The following NCOR2 variants were observed in gnomAD, a reference collection of about 807,000 sequenced individuals.
The protein encoded by NCOR2 is nuclear receptor corepressor 2.
NCOR2 carries 81 observed loss-of-function variants against 262.9 expected under a neutral mutation model. The ratio of observed to expected loss-of-function variants is 0.31; its 90% CI spans 0.26 to 0.37. NCOR2 has a LOEUF of 0.37. NCOR2 is among the 10% of genes least tolerant of loss of function. NCOR2 has a pLI of 1.00. For synonymous variants in NCOR2, 1,659 were observed against 1,559.3 expected (o/e 1.06, Z -1.51); for missense variants, 3,385 against 3,621.4 (o/e 0.93, Z 1.68).
intron 13 of NCOR2, among the ~76,000 whole-genome samples, chr12:124,404,275 G>A (rs1052684908): frequency 2.0e-5 from 3 of 152,192 alleles, no homozygotes; most frequent in Non-Finnish European, 4.4e-5. Context: ...CATGGATGCC[G>A]TCTCCCCGGG....
chr12:124,495,467 C>T (rs1358033054), upstream of NCOR2: 9 of 891,178 alleles, frequency 1.0e-5, no homozygotes, highest in African/African-American at 8.5e-5. The surrounding 1 kb of genome is among the most constrained non-coding windows in gnomAD (Gnocchi z 4.4). Flanking sequence ...CGTGAGGACA[C>T]GCGAGCACCC....
chr12:124,423,539 AGGCTTCCCT>A (rs2043344798), intron 11 of NCOR2, among the ~76,000 whole-genome samples: 1 of 152,174 alleles, frequency 6.6e-6, no homozygotes, highest in Non-Finnish European at 1.5e-5. Flanking sequence ...GAGGAATGGC[AGGCTTCCCT>A]GGCCTGGGAT....
At chr12:124,439,788 A>G (rs1222740357) in intron 7 of NCOR2, among the ~76,000 whole-genome samples, 1 of 151,918 alleles carries the variant, frequency 6.6e-6, no homozygotes, top group Non-Finnish European at 1.5e-5. Context: ...AAGGAAGGGG[A>G]CAGAGACTCA....
chr12:124,487,554 C>T (rs1289599793), intron 1 of NCOR2, among the ~76,000 whole-genome samples: 1 of 152,256 alleles, frequency 6.6e-6, no homozygotes, highest in Non-Finnish European at 1.5e-5. Context: ...CTAAGTCAGT[C>T]TAGAGGAACC....
At chr12:124,453,213 G>A (rs1033839100) in intron 6 of NCOR2, among the ~76,000 whole-genome samples, 7 of 152,152 alleles carry the variant, frequency 4.6e-5, no homozygotes, top group African/African-American at 1.2e-4. Flanking sequence ...CAGGCTAGCC[G>A]GGGTCCCCAC....
intron 22 of NCOR2, 73 bp downstream of exon 24, chr12:124,362,053 T>TA: frequency 8.2e-7 from 1 of 1,214,040 alleles, no homozygotes; most frequent in Non-Finnish European, 1.0e-6. Flanking sequence ...GCAGCTGCTC[T>TA]AGACACACAA....
At chr12:124,463,761 G>A (rs116153551) in intron 5 of NCOR2, among the ~76,000 whole-genome samples, 8,330 of 152,284 alleles carry the variant, frequency 0.055, 491 homozygotes, top group African/African-American at 0.15. Flanking sequence ...GGCGGCTGGG[G>A]GCCTCCCGCA....
chr12:124,506,419 C>T (rs2049040825), intron 1 of NCOR2, among the ~76,000 whole-genome samples: 1 of 152,182 alleles, frequency 6.6e-6, no homozygotes, highest in African/African-American at 2.4e-5. Context: ...TGGACGGCAG[C>T]CAGCTCGGCC....
rs1310497038 is a variant in NCOR2 at position 124,481,907 on chromosome 12, G to C, written c.411+1689C>G. ...AGACCCAGGAGGAGGCTACTGCAAA[G>C]TTACTGGAGAGCAATGACGAGCTCA... On this transcript the variant is annotated intron_variant, in intron 3 of 46. Transcript: ENST00000405201. The surrounding 1 kb of genome is among the most constrained non-coding windows in gnomAD (Gnocchi z 4.6). Among the ~76,000 whole-genome samples the C allele has an allele frequency of 6.6e-6, 1 of 152,136 alleles. No homozygotes were observed. Among genetic ancestry groups the C allele is most frequent in the Non-Finnish European group, 1.5e-5 (1 of 68,022 alleles).
At chr12:124,397,454 G>A (rs999668556) in intron 16 of NCOR2, among the ~76,000 whole-genome samples, 2 of 152,144 alleles carry the variant, frequency 1.3e-5, no homozygotes, top group Non-Finnish European at 2.9e-5. Flanking sequence ...CTGGACCCCA[G>A]CCCCCACGGT....
chr12:124,340,542 T>A (rs1305110753), intron 35 of NCOR2, 60 bp downstream of exon 37: 1 of 1,532,866 alleles, frequency 6.5e-7, no homozygotes, highest in Non-Finnish European at 8.7e-7. Flanking sequence ...TGCCCGCCCA[T>A]CCCCCAGCCG....
rs182951285 is a variant in NCOR2 at position 124,554,717 on chromosome 12, G to A, written c.-165+12591C>T. On this transcript the variant is annotated intron_variant, in intron 1 of 32. Transcript: ENST00000458234. ...ACCTTCCACGTTCCCACTGAGGGCC[G>A]CACAGTTCCGGGAGGTGCCGCTGCG... is the stretch of plus-strand genomic sequence containing the variant. Among the ~76,000 whole-genome samples, 134 of 152,364 alleles carry A rather than the reference G, an allele frequency of 8.8e-4. 1 individual carries two copies. The highest frequency in any genetic ancestry group is 6.8e-3 in the Middle Eastern group (2 of 294).
intron 13 of NCOR2, among the ~76,000 whole-genome samples, chr12:124,405,468 C>T (rs1025118058): frequency 1.3e-5 from 2 of 152,262 alleles, no homozygotes; most frequent in African/African-American, 4.8e-5. Flanking sequence ...TGTGCACAGG[C>T]TCCTCACTTC....
chr12:124,365,123 C>T (rs562252216), intron 20 of NCOR2, among the ~76,000 whole-genome samples: 4 of 152,284 alleles, frequency 2.6e-5, no homozygotes, highest in East Asian at 3.9e-4. Flanking sequence ...TTGGAGGCGA[C>T]GCAGAACCCA....
At chr12:124,428,060 T>TGG (rs2043671761) in intron 10 of NCOR2, among the ~76,000 whole-genome samples, 1 of 134,464 alleles carries the variant, frequency 7.4e-6, no homozygotes, top group Non-Finnish European at 1.7e-5. Flanking sequence ...TGTGTGTGTG[T>TGG]GTGTGTGTGT....
At position 124,378,016 on chromosome 12, in the gene NCOR2, A is replaced by C. The variant is rs1343129073; in HGVS notation, c.2167+221T>G. 6.6e-6 allele frequency among the ~76,000 whole-genome samples: 1 copy of C among 152,054 alleles called. No homozygotes were observed. Among genetic ancestry groups the C allele is most frequent in the African/African-American group, 2.4e-5 (1 of 41,388 alleles). Reference sequence around the variant, plus strand: ...GAGCGAGGCTTGGGGCTCCCAGAGAAGCTGATTATTCTCAGTATTGTTATG... The same window carrying C: ...GAGCGAGGCTTGGGGCTCCCAGAGACGCTGATTATTCTCAGTATTGTTATG... On this transcript the variant is annotated intron_variant, in intron 18 of 46. Coordinates refer to ENST00000405201, the Ensembl canonical transcript of NCOR2. The surrounding 1 kb of genome is among the most constrained non-coding windows in gnomAD (Gnocchi z 4.2).
chr12:124,469,665 C>T (rs891481564), intron 4 of NCOR2, among the ~76,000 whole-genome samples: 2 of 152,196 alleles, frequency 1.3e-5, no homozygotes, highest in Admixed American at 6.5e-5. Flanking sequence ...CCTCCCTGAC[C>T]TCAGTGTCTA....
intron 20 of NCOR2, among the ~76,000 whole-genome samples, chr12:124,366,990 A>G (rs2039089237): frequency 6.6e-6 from 1 of 152,254 alleles, no homozygotes; most frequent in African/African-American, 2.4e-5. Flanking sequence ...TACAAATAGA[A>G]AAATAAAATA....
In NCOR2 at chr12:124,452,762, A is replaced by C. The variant is rs183861792; in HGVS notation, c.763-2895T>G. 3.8e-3 allele frequency among the ~76,000 whole-genome samples: 575 copies of C among 152,294 alleles called. 1 individual carries two copies. The highest frequency in any genetic ancestry group is 0.012 in the African/African-American group (506 of 41,560). On this transcript the variant is annotated intron_variant, in intron 6 of 46. Transcript: ENST00000405201. ...TCAGCCTCCAACCCACCAAAGCCAC[A>C]GGGGAGGAAGGCCACTTCCACTTGG...
Sources: allele counts gnomAD v4.1 joint callset (sites outside exome capture counted in the v4.1 genomes callset), GRCh38; gene constraint gnomAD v4.1.1; non-coding constraint Gnocchi (gnomAD v3.1); transcripts MANE v1.5; gene names NCBI Gene and HGNC (gene_info 2026-07-23, HGNC 2026-07-21).